Variants in RBM25 observed in about 807,000 individuals in gnomAD.
RBM25 encodes RNA binding motif protein 25.
Under a neutral mutation model 120.7 loss-of-function variants are expected in RBM25, and 19 were observed. The observed-to-expected ratio is 0.16, with a 90% CI of 0.11 to 0.23. The LOEUF (loss-of-function observed/expected upper bound fraction) is 0.23. RBM25 is among the 10% of genes least tolerant of loss of function. The pLI is 1.00. For synonymous variants in RBM25, 390 were observed against 326.7 expected (o/e 1.19, Z -2.09); for missense variants, 605 against 1,041.5 (o/e 0.58, Z 5.77).
At chr14:73,095,890 T>C (rs1268535479) in intron 6 of RBM25, among the ~76,000 whole-genome samples, 3 of 152,212 alleles carry the variant, frequency 2.0e-5, no homozygotes, top group Non-Finnish European at 4.4e-5. Flanking sequence ...CTTTGGGGCA[T>C]GCACAACTAT....
chr14:73,120,342 T>C lies in RBM25; in HGVS notation c.*537T>C, dbSNP rs972943013. On this transcript the variant is annotated 3_prime_UTR_variant, in exon 19 of 19. Coordinates refer to ENST00000261973, the MANE Select transcript of RBM25 (RefSeq NM_021239.3). The stretch of plus-strand genomic sequence containing the variant: ...ATTTCTGTATGAATGTGTTTGTGAA[T>C]GTATGTGTAAAAGTCTTTCTTTTCC... 6.5e-6 allele frequency: 1 copy of C among 152,826 alleles called. No homozygotes were observed. The highest frequency in any genetic ancestry group is 1.5e-5 in the Non-Finnish European group (1 of 68,072). The allele number at this position is 152,826 out of a possible 1,614,324, so 9.5% of individuals were successfully genotyped here.
intron 2 of RBM25, among the ~76,000 whole-genome samples, chr14:73,072,120 T>G (rs979894541): frequency 1.3e-5 from 2 of 152,120 alleles, no homozygotes; most frequent in Admixed American, 6.6e-5. Context: ...TGCACGCACC[T>G]GCCACCATGC....
chr14:73,098,329 C>T (rs1336544927), intron 7 of RBM25, among the ~76,000 whole-genome samples: 1 of 152,084 alleles, frequency 6.6e-6, no homozygotes, highest in Non-Finnish European at 1.5e-5. Flanking sequence ...AGGGTTTCAC[C>T]ATGTTGCCCA....
intron 6 of RBM25, among the ~76,000 whole-genome samples, chr14:73,091,140 A>G (rs1895804868): frequency 6.6e-6 from 1 of 152,036 alleles, no homozygotes; most frequent in Admixed American, 6.6e-5. Context: ...ATACTGAAAA[A>G]CTCTGAGAAT....
intron 7 of RBM25, 91 bp downstream of exon 7, chr14:73,097,191 CTTTTCTTTTTTTTTTT>C: frequency 5.3e-6 from 2 of 374,074 alleles, no homozygotes; most frequent in Non-Finnish European, 7.7e-6. Flanking sequence ...TTTCTTTTTT[CTTTTCTTTTTTTTTTT>C]TTTTTTTTTT....
chr14:73,083,585 C>CT (rs1895613572), intron 5 of RBM25, 34 bp downstream of exon 5: 1 of 1,475,556 alleles, frequency 6.8e-7, no homozygotes, highest in African/African-American at 1.4e-5. Flanking sequence ...GCTGAAATCA[C>CT]TTTAACTAAC....
chr14:73,081,171 G>A (rs1177735982), intron 4 of RBM25, among the ~76,000 whole-genome samples: 1 of 145,808 alleles, frequency 6.9e-6, no homozygotes, highest in African/African-American at 2.5e-5. Context: ...ACAGAGTCTC[G>A]CTCTGTTGCC....
In RBM25 at chr14:73,097,072, G is replaced by GGAA. The variant is rs572219342; in HGVS notation, c.712_714dup (p.Lys238dup). ...TCACAGGAATCTGATTCTCACCCCAGGAAGAAGAAGAAGGAAAAGAAGGAG... is the reference window on the plus strand; with the variant it reads ...TCACAGGAATCTGATTCTCACCCCAGGAAGAAGAAGAAGAAGGAAAAGAAGGAG... On this transcript the variant is annotated inframe_insertion, in exon 7 of 19. Coordinates refer to ENST00000261973, the MANE Select transcript of RBM25 (RefSeq NM_021239.3). The GGAA allele has an allele frequency of 1.2e-6, 2 of 1,610,230 alleles. No individual in the cohort carries two copies. Among genetic ancestry groups the GGAA allele is most frequent in the Admixed American group, 1.7e-5 (1 of 58,884 alleles).
chr14:73,107,492 A>G (rs1206663425), intron 12 of RBM25: 3 of 239,592 alleles, frequency 1.3e-5, no homozygotes, highest in African/African-American at 2.4e-5. Context: ...ATAGCTGCAC[A>G]GATAGCTCCA....
At chr14:73,113,023 T>C (rs940402170) in intron 17 of RBM25, among the ~76,000 whole-genome samples, 3 of 152,076 alleles carry the variant, frequency 2.0e-5, no homozygotes, top group Non-Finnish European at 4.4e-5. Context: ...AGGATACATA[T>C]GCATAACGTG....
chr14:73,087,814 C>G (rs572843635), intron 5 of RBM25, among the ~76,000 whole-genome samples, 187 bp from the exon 6 acceptor site: 1 of 151,886 alleles, frequency 6.6e-6, no homozygotes, highest in East Asian at 1.9e-4. Flanking sequence ...CCTTTTTTTC[C>G]CCTTTGGTTG....
At chr14:73,119,483 T>G (rs1194958173) in intron 18 of RBM25, among the ~76,000 whole-genome samples, 1 of 152,168 alleles carries the variant, frequency 6.6e-6, no homozygotes, top group African/African-American at 2.4e-5. Context: ...GTCAGGATGG[T>G]CTTGATCTCC....
Position 73,118,388 on chromosome 14 carries a change from G to T in RBM25, c.2440-1325G>T, listed in dbSNP as rs571644955. Among the ~76,000 whole-genome samples, 9 of 151,844 alleles carry T rather than the reference G, an allele frequency of 5.9e-5. No homozygotes were observed. In the East Asian group the frequency reaches 1.7e-3, roughly 29 times the overall value. On this transcript the variant is annotated intron_variant, in intron 18 of 18. Transcript: ENST00000261973. ...AGCTACTGGTGAGGCTGATGTGGGA[G>T]TATCACTTGAGCCTGGGAGGTCAAG...
chr14:73,086,733 CTCTG>C (rs1188776660), intron 5 of RBM25, among the ~76,000 whole-genome samples: 1 of 152,078 alleles, frequency 6.6e-6, no homozygotes. Context: ...GAGACAGGGT[CTCTG>C]TCTGTTGCCC....
chr14:73,119,816 AT>A lies in RBM25; in HGVS notation c.*14del. On this transcript the variant is annotated 3_prime_UTR_variant, in exon 19 of 19. Transcript: ENST00000261973. Reference sequence around the variant, plus strand: ...GGTCTTGTGAAGTAAAACTTTTTATATTTAGAGTTCCATTTCAGATTTCTTC... The same window carrying A: ...GGTCTTGTGAAGTAAAACTTTTTATATTAGAGTTCCATTTCAGATTTCTTC... 2 of 1,596,464 alleles carry A rather than the reference AT, an allele frequency of 1.3e-6. No homozygotes were observed.
At chr14:73,084,191 C>G (rs781587586) in intron 5 of RBM25, among the ~76,000 whole-genome samples, 1 of 152,156 alleles carries the variant, frequency 6.6e-6, no homozygotes, top group Non-Finnish European at 1.5e-5. Flanking sequence ...AGCCACCACA[C>G]CTGACCTCAA....
chr14:73,084,758 G>A (rs1281448417), intron 5 of RBM25, among the ~76,000 whole-genome samples: 7 of 151,554 alleles, frequency 4.6e-5, no homozygotes, highest in African/African-American at 1.7e-4. Context: ...CTCCATGTTG[G>A]TCAGGCTGCT....
In RBM25 at chr14:73,099,703, A is replaced by G; in HGVS notation, c.820A>G (p.Arg274Gly). The change falls in exon 9 of 19, where the codon AGA (arginine) becomes GGA (glycine). Residue 274 changes from arginine to glycine, a missense_variant. By Grantham distance (125) the Arg-to-Gly change is moderately radical. Coordinates refer to ENST00000261973, the MANE Select transcript of RBM25 (RefSeq NM_021239.3). ...INAIEMEEDKRDLISREISKF... is the reference protein window; with the variant it reads ...INAIEMEEDKGDLISREISKF... ...TGCTATAGAAATGGAAGAAGACAAA[A>G]GAGACCTGATATCTCGAGAGATCAG... The G allele has an allele frequency of 6.2e-7, 1 of 1,607,696 alleles. No homozygotes were observed. Among genetic ancestry groups the G allele is most frequent in the Non-Finnish European group, 8.5e-7 (1 of 1,178,514 alleles).
chr14:73,097,044 C>T lies in RBM25; in HGVS notation c.673C>T (p.Pro225Ser). 3.7e-6 allele frequency: 6 copies of T among 1,613,276 alleles called. No individual in the cohort carries two copies. Among genetic ancestry groups the T allele is most frequent in the South Asian group, 1.1e-5 (1 of 90,862 alleles). ...IREYSSELNA[P>S]SQESDSHPRK... ...TGAATACTCCAGTGAGCTAAATGCC[C>T]CCTCACAGGAATCTGATTCTCACCC... is the stretch of plus-strand genomic sequence containing the variant. The change falls in exon 7 of 19, where the codon CCC (proline) becomes TCC (serine). Residue 225 changes from proline to serine, a missense_variant. Pro to Ser is a moderately conservative substitution (Grantham distance 74, BLOSUM62 -1). This residue lies in a region of RBM25 where 465 missense variants were observed against 741.6 expected (regional missense o/e 0.63). Coordinates refer to ENST00000261973, the MANE Select transcript of RBM25 (RefSeq NM_021239.3).
Sources: allele counts gnomAD v4.1 joint callset (sites outside exome capture counted in the v4.1 genomes callset), GRCh38; gene constraint gnomAD v4.1.1; regional missense constraint gnomAD v4.1.1; transcripts MANE v1.5; gene names NCBI Gene and HGNC (gene_info 2026-07-23, HGNC 2026-07-21).